Variants in SYT1 observed in about 807,000 individuals in gnomAD.
SYT1 encodes synaptotagmin 1.
Under a neutral mutation model 44.8 loss-of-function variants are expected in SYT1, and 8 were observed. That is an observed-to-expected ratio of 0.18 (90% CI 0.10 to 0.32). SYT1 has a LOEUF of 0.32. Ranked by LOEUF, SYT1 falls within the 10% of genes least tolerant of loss-of-function variation. The pLI is 1.00. For synonymous variants in SYT1, 154 were observed against 188.8 expected (o/e 0.82, Z 1.51); for missense variants, 286 against 509.3 (o/e 0.56, Z 4.22).
intron 9 of SYT1, among the ~76,000 whole-genome samples, chr12:79,410,857 C>G (rs149312993): frequency 6.6e-6 from 1 of 152,262 alleles, no homozygotes; most frequent in East Asian, 1.9e-4. Context: ...AGATCATCTA[C>G]AAATCCAAGA....
At chr12:79,035,909 A>G (rs1205680679) in intron 2 of SYT1, among the ~76,000 whole-genome samples, 1 of 151,168 alleles carries the variant, frequency 6.6e-6, no homozygotes, top group African/African-American at 2.4e-5. Flanking sequence ...AAGAACACCT[A>G]GGAGAATATG....
At chr12:79,158,468 T>A (rs1870740276) in intron 3 of SYT1, among the ~76,000 whole-genome samples, 1 of 152,168 alleles carries the variant, frequency 6.6e-6, no homozygotes, top group Non-Finnish European at 1.5e-5. Flanking sequence ...CACCTCCTGC[T>A]GTGTGGCCTT....
At chr12:78,993,971 TC>T (rs766345461) in intron 2 of SYT1, among the ~76,000 whole-genome samples, 139 of 152,356 alleles carry the variant, frequency 9.1e-4, no homozygotes, top group Non-Finnish European at 1.7e-3. Flanking sequence ...AAACATTTTT[TC>T]TGATGATAGT....
At chr12:79,259,710 G>T (rs1877724118) in intron 4 of SYT1, among the ~76,000 whole-genome samples, 1 of 152,182 alleles carries the variant, frequency 6.6e-6, no homozygotes, top group African/African-American at 2.4e-5. Context: ...CTCCAGCCTG[G>T]ATGGAAGAGT....
intron 1 of SYT1, among the ~76,000 whole-genome samples, chr12:78,942,176 T>G (rs1878413313): frequency 6.6e-6 from 1 of 152,212 alleles, no homozygotes; most frequent in African/African-American, 2.4e-5. Context: ...CTCTCTCCAT[T>G]CAAGCTTTAT....
chr12:79,445,688 AT>A (rs1417661489), intron 10 of SYT1, among the ~76,000 whole-genome samples: 5 of 149,718 alleles, frequency 3.3e-5, no homozygotes, highest in Admixed American at 2.0e-4. Flanking sequence ...TTATTTATCC[AT>A]TCATCTGTTG....
chr12:79,046,486 A>G (rs1351190137), intron 2 of SYT1: 1 of 152,162 alleles, frequency 6.6e-6, no homozygotes, highest in African/African-American at 2.4e-5. Context: ...ATTTTCATTT[A>G]TGAGTTGTTA....
intron 3 of SYT1, among the ~76,000 whole-genome samples, chr12:79,150,231 A>G (rs955445460): frequency 1.3e-5 from 2 of 152,196 alleles, no homozygotes; most frequent in Non-Finnish European, 2.9e-5. Flanking sequence ...AGATGAATAA[A>G]GAAAATGTGG....
In SYT1 at chr12:79,328,365, C is replaced by T. The variant is rs897200332; in HGVS notation, c.811-25137C>T. Among the ~76,000 whole-genome samples the T allele has an allele frequency of 2.6e-5, 4 of 152,110 alleles. No homozygotes were observed. The East Asian group carries it at 5.8e-4, about 22-fold the overall frequency. On this transcript the variant is annotated intron_variant, in intron 8 of 10. Coordinates refer to ENST00000261205, the MANE Select transcript of SYT1 (RefSeq NM_005639.3). ...GGAAAACATTAAGTTCTGTTTTGGA[C>T]ATGTTCATTAAAACAGAGTTCATTT...
At chr12:79,136,952 G>A (rs1869229937) in intron 3 of SYT1, among the ~76,000 whole-genome samples, 1 of 152,122 alleles carries the variant, frequency 6.6e-6, no homozygotes, top group Admixed American at 6.5e-5. Flanking sequence ...ATGTTTGCAA[G>A]GTATGGGTAG....
chr12:79,212,452 C>G (rs1472965991), intron 3 of SYT1, among the ~76,000 whole-genome samples: 2 of 143,980 alleles, frequency 1.4e-5, no homozygotes, highest in Non-Finnish European at 3.0e-5. Context: ...ACCTATGTAA[C>G]AAACCTGCAC....
chr12:79,304,287 T>C (rs1306586719), intron 8 of SYT1, among the ~76,000 whole-genome samples: 2 of 152,192 alleles, frequency 1.3e-5, no homozygotes, highest in African/African-American at 2.4e-5. Flanking sequence ...AACGCCCTTT[T>C]TAAAGTCCGT....
chr12:79,271,770 A>G (rs958944965), intron 4 of SYT1, among the ~76,000 whole-genome samples: 3 of 152,190 alleles, frequency 2.0e-5, no homozygotes, highest in Non-Finnish European at 4.4e-5. Flanking sequence ...AATGATTCCA[A>G]GTATTTCTAT....
intron 1 of SYT1, among the ~76,000 whole-genome samples, chr12:78,931,882 G>T (rs1363146197): frequency 6.6e-6 from 1 of 152,198 alleles, no homozygotes; most frequent in Non-Finnish European, 1.5e-5. Flanking sequence ...GTTGGTAAAA[G>T]CAGAGTCTGT....
chr12:79,043,734 C>A (rs1268984878), intron 2 of SYT1, among the ~76,000 whole-genome samples: 1 of 152,180 alleles, frequency 6.6e-6, no homozygotes. Flanking sequence ...ATGGTCTTTA[C>A]ATTTTGGCAT....
intron 9 of SYT1, among the ~76,000 whole-genome samples, chr12:79,365,765 T>C (rs892466092): frequency 1.4e-5 from 2 of 145,818 alleles, no homozygotes; most frequent in African/African-American, 2.6e-5. Context: ...AAGATGCAAT[T>C]ACCCTAAGTT....
chr12:79,296,262 C>T (rs759230712), intron 7 of SYT1, 26 bp downstream of exon 7: 3 of 1,599,704 alleles, frequency 1.9e-6, no homozygotes, highest in Non-Finnish European at 2.6e-6. Context: ...TATTTATAAC[C>T]TTTCCTTTGT....
Position 79,282,184 on chromosome 12 carries a change from C to T in SYT1, c.167-3603C>T, listed in dbSNP as rs113360997. Among the ~76,000 whole-genome samples the T allele has an allele frequency of 8.0e-3, 1,221 of 152,288 alleles. 8 individuals carry two copies. Among genetic ancestry groups the T allele is most frequent in the Non-Finnish European group, 0.012 (815 of 68,016 alleles). The stretch of plus-strand genomic sequence containing the variant: ...TCTCAAGATCCTTAATCTAATCACA[C>T]TTGCAAAGTCCCTCTTACCAGGCAG... On this transcript the variant is annotated intron_variant, in intron 4 of 10. Transcript: ENST00000261205.
chr12:79,022,088 G>T (rs1872232523), intron 2 of SYT1, among the ~76,000 whole-genome samples: 1 of 150,890 alleles, frequency 6.6e-6, no homozygotes, highest in Non-Finnish European at 1.5e-5. Context: ...GAGTGCCAAT[G>T]AATTTGCGGA....
Sources: allele counts gnomAD v4.1 joint callset (sites outside exome capture counted in the v4.1 genomes callset), GRCh38; gene constraint gnomAD v4.1.1; transcripts MANE v1.5; gene names NCBI Gene and HGNC (gene_info 2026-07-23, HGNC 2026-07-21).